The following REPS2 variants were observed in gnomAD, a reference collection of about 807,000 sequenced individuals.
REPS2 encodes the protein RALBP1 associated Eps domain containing 2.
REPS2 carries 23 observed loss-of-function variants against 53.6 expected under a neutral mutation model. That is an observed-to-expected ratio of 0.43 (90% confidence interval 0.31 to 0.61). REPS2 has a LOEUF of 0.61. Among genes scored for constraint, REPS2 ranks in the 20% least tolerant of loss-of-function variants. REPS2 has a pLI of 0.11. For missense variants in REPS2, 446 were observed against 534.9 expected, an observed-to-expected ratio of 0.83 and a Z score of 1.64; for synonymous variants, 238 against 218.6, an observed-to-expected ratio of 1.09 and a Z score of -0.78.
At chrX:17,035,794 G>T (rs920074669) in intron 5 of REPS2, among the ~76,000 whole-genome samples, 5 of 110,694 alleles carry the variant, frequency 4.5e-5, no homozygotes, top group Non-Finnish European at 7.6e-5. Flanking sequence ...ATATAATATT[G>T]TATATGAATA....
At chrX:16,973,985 C>T (rs1303660407) in intron 1 of REPS2, among the ~76,000 whole-genome samples, 1 of 111,209 alleles carries the variant, frequency 9.0e-6, no homozygotes, top group Non-Finnish European at 1.9e-5. Context: ...TGGATTACAG[C>T]ATTTATACAA....
At chrX:17,069,882 T>G in intron 10 of REPS2, 58 bp from the exon 11 acceptor site, 1 of 730,884 alleles carries the variant, frequency 1.4e-6, no homozygotes, top group Non-Finnish European at 1.9e-6. Context: ...CATTTTATAG[T>G]TTTAATTTTT....
intron 14 of REPS2, among the ~76,000 whole-genome samples, chrX:17,115,830 A>AGAGCACGGG (rs1254058761): frequency 1.8e-5 from 2 of 111,972 alleles, no homozygotes; most frequent in Non-Finnish European, 3.8e-5. Context: ...CGTGTTTCAG[A>AGAGCACGGG]GAGCACGGGG....
intron 14 of REPS2, among the ~76,000 whole-genome samples, chrX:17,113,579 C>G (rs2063007215): frequency 9.0e-6 from 1 of 111,414 alleles, no homozygotes; most frequent in Admixed American, 9.6e-5. Flanking sequence ...TTCGGACCAA[C>G]CTGTGTTGAT....
intron 13 of REPS2, among the ~76,000 whole-genome samples, chrX:17,089,604 A>AAC (rs1398983822): frequency 5.4e-5 from 6 of 111,745 alleles, no homozygotes; most frequent in African/African-American, 2.0e-4. Flanking sequence ...TCCTTTTCTG[A>AAC]ATATTTCATA....
chrX:16,968,719 G>C (rs1453048269), intron 1 of REPS2, among the ~76,000 whole-genome samples: 1 of 94,647 alleles, frequency 1.1e-5, no homozygotes, highest in Non-Finnish European at 2.2e-5. Context: ...CCTCCCTCCC[G>C]GACGGGGCGG....
At chrX:17,004,203 T>C (rs182548410) in intron 1 of REPS2, among the ~76,000 whole-genome samples, 1 of 111,052 alleles carries the variant, frequency 9.0e-6, no homozygotes, top group African/African-American at 3.3e-5. Context: ...CCCTTTATTT[T>C]GAGGAAAGCC....
chrX:17,176,927 C>T, the REPS2 span, among the ~76,000 whole-genome samples: 1 of 112,204 alleles, frequency 8.9e-6, no homozygotes, highest in African/African-American at 3.2e-5. Context: ...TCCGAAATCC[C>T]TGACTGCTTT....
At chrX:17,109,911 C>T (rs1260913551) in intron 14 of REPS2, among the ~76,000 whole-genome samples, 1 of 112,515 alleles carries the variant, frequency 8.9e-6, no homozygotes, top group Non-Finnish European at 1.9e-5. Flanking sequence ...AACTGCAGCT[C>T]ACTTAAACTT....
chrX:17,146,262 T>C (rs1162615251), intron 17 of REPS2, among the ~76,000 whole-genome samples: 1 of 111,232 alleles, frequency 9.0e-6, no homozygotes, highest in Non-Finnish European at 1.9e-5. Flanking sequence ...TTCCATCTAC[T>C]CTGGTCACAC....
At chrX:17,142,113 A>G (rs888302880) in intron 17 of REPS2, among the ~76,000 whole-genome samples, 1 of 112,069 alleles carries the variant, frequency 8.9e-6, no homozygotes, top group Non-Finnish European at 1.9e-5. Flanking sequence ...AATCGATTCA[A>G]TGAGAAATAA....
the REPS2 span, among the ~76,000 whole-genome samples, chrX:17,178,883 G>A: frequency 2.8e-5 from 3 of 105,625 alleles, no homozygotes; most frequent in Non-Finnish European, 5.8e-5. Flanking sequence ...AGCGAGACTC[G>A]GTCTCAAAAA....
chrX:17,016,724 A>G (rs1424465365), intron 2 of REPS2, among the ~76,000 whole-genome samples: 1 of 104,079 alleles, frequency 9.6e-6, no homozygotes, highest in Non-Finnish European at 2.0e-5. Context: ...TTTGAATTTA[A>G]TATAATTTTC....
intron 1 of REPS2, among the ~76,000 whole-genome samples, chrX:17,000,046 C>CAAAAA (rs61082179): frequency 7.4e-5 from 2 of 27,089 alleles, no homozygotes; most frequent in Non-Finnish European, 1.5e-4. Context: ...GACTCCGTCT[C>CAAAAA]AAAAAAAAAA....
intron 5 of REPS2, among the ~76,000 whole-genome samples, chrX:17,045,884 C>T (rs182444047): frequency 5.9e-4 from 66 of 111,038 alleles, no homozygotes; most frequent in East Asian, 8.5e-4. Flanking sequence ...ATTTTCTAGT[C>T]TCCTTTCTCT....
intron 1 of REPS2, among the ~76,000 whole-genome samples, chrX:16,955,749 T>C (rs929640818): frequency 9.8e-5 from 11 of 111,769 alleles, no homozygotes; most frequent in African/African-American, 3.6e-4. Flanking sequence ...TCACAGGTTT[T>C]GTCTGCTCTC....
chrX:17,030,314 GGT>G (rs3222673), intron 5 of REPS2, among the ~76,000 whole-genome samples: 41,424 of 101,483 alleles, frequency 0.41, 6,470 homozygotes, highest in Middle Eastern at 0.52. Flanking sequence ...CTCAAAGAAG[GGT>G]GTGTGTGTGT....
At chrX:16,986,531 A>G (rs1176818588) in intron 1 of REPS2, among the ~76,000 whole-genome samples, 1 of 112,057 alleles carries the variant, frequency 8.9e-6, no homozygotes, top group Non-Finnish European at 1.9e-5. Flanking sequence ...TGCACCTTTG[A>G]GGAACCAAGG....
Position 17,150,192 on chromosome X carries a change from C to A in REPS2, c.*2711C>A, listed in dbSNP as rs1480418249. On this transcript the variant is annotated 3_prime_UTR_variant, in exon 18 of 18. Transcript: ENST00000357277. ...AGGATTGTAACGCCTAATAATATTT[C>A]TGTGAGCCTTTAATGTGATTTATAA... 3 of 112,556 alleles carry A rather than the reference C, an allele frequency of 2.7e-5. No individual in the cohort carries two copies. Among genetic ancestry groups the A allele is most frequent in the Non-Finnish European group, 5.6e-5 (3 of 53,291 alleles). 9.3% of individuals were successfully genotyped at this position (112,556 alleles called of 1,213,427 possible).
Sources: allele counts gnomAD v4.1 joint callset (sites outside exome capture counted in the v4.1 genomes callset), GRCh38; gene constraint gnomAD v4.1.1; transcripts MANE v1.5; gene names NCBI Gene and HGNC (gene_info 2026-07-23, HGNC 2026-07-21).